HAUS6: variants seen among roughly 807,000 people sequenced by gnomAD.
The protein encoded by HAUS6 is HAUS augmin like complex subunit 6.
In HAUS6, 80 loss-of-function variants were observed where a neutral mutation model predicts 106.8. The ratio of observed to expected loss-of-function variants is 0.75; its 90% CI spans 0.63 to 0.90. The LOEUF is 0.90. HAUS6 is among the 40% of genes least tolerant of loss of function. The pLI, the probability that HAUS6 is intolerant of heterozygous loss-of-function variation, is 0.00. For synonymous variants in HAUS6, 356 were observed against 379.1 expected (o/e 0.94, Z 0.71); for missense variants, 1,155 against 1,118.1 (o/e 1.03, Z -0.47).
rs376653590 is a variant in HAUS6, at chr9:19,087,079, A to G, written c.650+12T>C. On this transcript the variant is annotated intron_variant, in intron 6 of 16. Transcript: ENST00000380502. ...GTATCTAAGGCAACTTCTAGCTCTA[A>G]AAGTCACTTACTTCTTTATTTGGTT... 8 of 1,342,734 alleles carry G rather than the reference A, an allele frequency of 6.0e-6. No homozygotes were observed. The African/African-American group carries it at 1.0e-4, about 17-fold the overall frequency. 83.2% of individuals were successfully genotyped at this position (1,342,734 alleles called of 1,614,324 possible). A position where few individuals can be genotyped will look rare whatever the true frequency, so the allele number is the denominator to read the frequency against.
At chr9:19,060,284 A>AAC (rs1836579063) in intron 14 of HAUS6, 61 bp from the exon 15 acceptor site, 1 of 1,305,254 alleles carries the variant, frequency 7.7e-7, no homozygotes, top group Non-Finnish European at 1.0e-6. Context: ...AATGCAACAA[A>AAC]ACCCCTGATA....
At chr9:19,076,196 C>CA (rs34924379) in intron 11 of HAUS6, among the ~76,000 whole-genome samples, 101 of 135,382 alleles carry the variant, frequency 7.5e-4, no homozygotes, top group Middle Eastern at 3.7e-3. Context: ...CCCATTTCTA[C>CA]AAAAAAAAAA....
In HAUS6 at chr9:19,097,464, G is replaced by A. The variant is rs551337490; in HGVS notation, c.129-695C>T. On this transcript the variant is annotated intron_variant, in intron 1 of 16. Transcript: ENST00000380502. ...GGATATGAACAGACACTTCTCAAAA[G>A]AAGACATTTATGCAGCCAAAAAACA... Among the ~76,000 whole-genome samples, 1,150 of 152,068 alleles carry A rather than the reference G, an allele frequency of 7.6e-3. 11 individuals carry two copies. Among genetic ancestry groups the A allele is most frequent in the African/African-American group, 0.026 (1,093 of 41,468 alleles).
At chr9:19,063,835 T>C (rs2131104511) in intron 12 of HAUS6, 1 of 658,270 alleles carries the variant, frequency 1.5e-6, no homozygotes, top group Non-Finnish European at 2.8e-6. Context: ...TATTTTGATT[T>C]GAAAGAGTTA....
At chr9:19,067,244 T>C (rs1836779600) in intron 12 of HAUS6, among the ~76,000 whole-genome samples, 1 of 152,112 alleles carries the variant, frequency 6.6e-6, no homozygotes, top group Non-Finnish European at 1.5e-5. Flanking sequence ...CTGAACTACA[T>C]GCAAAAAAGG....
intron 2 of HAUS6, among the ~76,000 whole-genome samples, chr9:19,095,133 C>G (rs1369684985): frequency 6.6e-6 from 1 of 151,558 alleles, no homozygotes; most frequent in Non-Finnish European, 1.5e-5. Flanking sequence ...ATTATGACTC[C>G]TAGAGATAAT....
At chr9:19,066,862 C>T (rs1022599189) in intron 12 of HAUS6, among the ~76,000 whole-genome samples, 1 of 149,354 alleles carries the variant, frequency 6.7e-6, no homozygotes, top group Non-Finnish European at 1.5e-5. Flanking sequence ...ATTTAATTAG[C>T]TGGGTGTGGA....
chr9:19,077,292 T>C (rs564239108), intron 10 of HAUS6, among the ~76,000 whole-genome samples: 2 of 152,176 alleles, frequency 1.3e-5, no homozygotes, highest in East Asian at 3.9e-4. Context: ...CCCAGCACTT[T>C]GGGAGGCAGA....
At chr9:19,078,607 G>T (rs1837064395) in intron 9 of HAUS6, among the ~76,000 whole-genome samples, 1 of 151,800 alleles carries the variant, frequency 6.6e-6, no homozygotes, top group Non-Finnish European at 1.5e-5. Flanking sequence ...GGCCAATGTG[G>T]TGAAACCTCA....
chr9:19,078,223 C>A lies in HAUS6; in HGVS notation c.1144G>T (p.Glu382Ter). The A allele has an allele frequency of 1.3e-6, 2 of 1,597,408 alleles. No individual in the cohort carries two copies. The highest frequency in any genetic ancestry group is 1.7e-6 in the Non-Finnish European group (2 of 1,166,766). Residue 382 changes from glutamate (E) to a stop codon, truncating the protein, a stop_gained, in exon 10 of 17, where the codon GAA (glutamate) becomes TAA (stop). Transcript: ENST00000380502. LOFTEE classifies it high-confidence loss of function. ...KQGEWHKKWK[E>*]FLGLSPFSLI... is the part of the protein sequence containing the mutation. ...CTGAAAGGAGACAAACCAAGAAATT[C>A]TTTCCACTTTTTATGCCATTCTCCT...
chr9:19,091,580 C>A (rs1414752917), intron 4 of HAUS6, among the ~76,000 whole-genome samples: 1 of 152,038 alleles, frequency 6.6e-6, no homozygotes, highest in Non-Finnish European at 1.5e-5. Context: ...TTTGGGAGGC[C>A]AAGGTGGCAG....
chr9:19,092,900 G>C (rs1399005047), intron 4 of HAUS6, among the ~76,000 whole-genome samples: 1 of 132,208 alleles, frequency 7.6e-6, no homozygotes, highest in African/African-American at 2.9e-5. Context: ...ACTCCAGCTT[G>C]AGCGAAACTG....
rs749527654 is a variant in HAUS6, at chr9:19,076,626, A to G, written c.1270T>C (p.Cys424Arg). The change falls in exon 11 of 17, where the codon TGT becomes CGT. Residue 424 changes from cysteine to arginine, a missense_variant. Transcript: ENST00000380502. Reference protein sequence around the residue: ...SEEVYAKSILCQYPASLPDAH... With the variant: ...SEEVYAKSILRQYPASLPDAH... ...CCTGGAAGTGAAGCAGGATACTGAC[A>G]AAGAATACTCTTTGCATACACTTCT... 4.6e-5 allele frequency: 73 copies of G among 1,576,264 alleles called. No homozygotes were observed. The highest frequency in any genetic ancestry group is 6.1e-5 in the Non-Finnish European group (70 of 1,148,298).
rs537866681 is a variant in HAUS6, at chr9:19,058,156, G to C, written c.2611C>G (p.Gln871Glu). ...AGCGTATCATCTGTTTGTACATTTT[G>C]GGGAGTAGGGCTCAATTCTGGTTTG... is the stretch of plus-strand genomic sequence containing the variant. ...RHKPELSPTP[Q>E]NVQTDDTLNF... Residue 871 changes from glutamine (Q) to glutamate (E), a missense_variant, in exon 16 of 17, where the codon CAA becomes GAA. Physicochemically the swap from Gln to Glu is conservative, Grantham distance 29. Coordinates refer to ENST00000380502, the MANE Select transcript of HAUS6 (RefSeq NM_017645.5). The C allele has an allele frequency of 7.4e-5, 119 of 1,613,928 alleles. No homozygotes were observed. In the South Asian group the frequency reaches 1.2e-3, roughly 16 times the overall value.
At position 19,054,450 on chromosome 9, in the gene HAUS6, G is replaced by A. The variant is rs563970319; in HGVS notation, c.*1893C>T. ...TCACATTGGTTTAGGAGAAGAAAGT[G>A]ACAGATCTGAGATACTTTTTGTTTA... is the stretch of plus-strand genomic sequence containing the variant. On this transcript the variant is annotated 3_prime_UTR_variant, in exon 17 of 17. Transcript: ENST00000380502. 1.3e-5 allele frequency: 2 copies of A among 152,290 alleles called. No homozygotes were observed. The highest frequency in any genetic ancestry group is 3.9e-4 in the East Asian group (2 of 5,190). The allele number at this position is 152,290 out of a possible 1,614,324, so 9.4% of individuals were successfully genotyped here. A position where few individuals can be genotyped will look rare whatever the true frequency, so the allele number is the denominator to read the frequency against.
intron 4 of HAUS6, 64 bp from the exon 5 acceptor site, chr9:19,089,623 A>G: frequency 1.6e-6 from 2 of 1,260,788 alleles, no homozygotes; most frequent in Non-Finnish European, 2.2e-6. Context: ...GTTATCAGAA[A>G]TGAACATTAG....
intron 12 of HAUS6, among the ~76,000 whole-genome samples, chr9:19,064,172 A>T (rs1836709368): frequency 6.6e-6 from 1 of 152,024 alleles, no homozygotes; most frequent in Non-Finnish European, 1.5e-5. Context: ...TCTCCATGTG[A>T]GTCAGGCTGG....
intron 1 of HAUS6, among the ~76,000 whole-genome samples, chr9:19,099,726 G>A (rs1817946657): frequency 6.6e-6 from 1 of 152,200 alleles, no homozygotes; most frequent in African/African-American, 2.4e-5. Context: ...CTTCTGAGTA[G>A]CTGGATTTAC....
chr9:19,063,284 C>A lies in HAUS6; in HGVS notation c.1444-91G>T, dbSNP rs1006557862. On this transcript the variant is annotated intron_variant, in intron 13 of 16. Coordinates refer to ENST00000380502, the MANE Select transcript of HAUS6 (RefSeq NM_017645.5). ...TTAGCAGTTCACTGGTTATCATGAA[C>A]CTATAAAAGGTTGTTAATACTATTG... The A allele has an allele frequency of 9.4e-6, 8 of 847,368 alleles. No homozygotes were observed. The Admixed American group carries it at 1.8e-4, about 20-fold the overall frequency. The allele number at this position is 847,368 out of a possible 1,614,324, so 52.5% of individuals were successfully genotyped here.
Sources: gnomAD v4.1 joint callset for allele counts (sites outside exome capture counted in the v4.1 genomes callset) on GRCh38, gnomAD v4.1.1 for gene constraint, MANE v1.5 for transcripts, NCBI Gene and HGNC (gene_info 2026-07-23, HGNC 2026-07-21) for gene names.